DIS3L2: variants seen among roughly 807,000 people sequenced by gnomAD.
DIS3L2 encodes the protein DIS3-like exonuclease 2.
A neutral mutation model predicts 97.5 loss-of-function variants in DIS3L2; 34 were observed. The observed-to-expected ratio is 0.35, with a 90% CI of 0.27 to 0.46. The LOEUF is 0.46. Among genes scored for constraint, DIS3L2 ranks in the 20% least tolerant of loss-of-function variants. The pLI, the probability that DIS3L2 is intolerant of heterozygous loss-of-function variation, is 1.00. For missense variants in DIS3L2, 1,038 were observed against 1,146.0 expected (o/e 0.91, Z 1.36); for synonymous variants, 435 against 445.2 (o/e 0.98, Z 0.29).
chr2:232,255,802 C>T (rs1484692191), intron 12 of DIS3L2, among the ~76,000 whole-genome samples: 4 of 152,114 alleles, frequency 2.6e-5, no homozygotes, highest in Admixed American at 6.6e-5. Flanking sequence ...CTATGGAAGT[C>T]GCCTATTTCA....
intron 9 of DIS3L2, among the ~76,000 whole-genome samples, chr2:232,180,452 CTT>C (rs2106182679): frequency 2.8e-5 from 1 of 35,790 alleles, no homozygotes; most frequent in South Asian, 1.4e-3. Context: ...GTCTAAGTCT[CTT>C]TGTAGGTCAC....
chr2:232,163,593 C>T lies in DIS3L2; in HGVS notation c.1085C>T (p.Thr362Ile). ...TGTCTTCCTCAAGGCCTGCCATGGA[C>T]AATTCCACCAGAGGAGTTCAGCAAG... ...LECLPQGLPW[T>I]IPPEEFSKRR... Residue 362 changes from threonine to isoleucine, a missense_variant, in exon 9 of 21, where the codon ACA becomes ATA. Thr to Ile is a moderately conservative substitution (Grantham distance 89). Coordinates refer to ENST00000325385, the MANE Select transcript of DIS3L2 (RefSeq NM_152383.5). 1.9e-6 allele frequency: 3 copies of T among 1,614,006 alleles called. No individual in the cohort carries two copies.
intron 6 of DIS3L2, among the ~76,000 whole-genome samples, chr2:232,126,121 TA>T (rs1698058425): frequency 6.6e-6 from 1 of 152,200 alleles, no homozygotes; most frequent in Admixed American, 6.5e-5. Flanking sequence ...CTCAGCTTTC[TA>T]AGATCTCTGC....
At position 232,329,814 on chromosome 2, in the gene DIS3L2, C is replaced by A; in HGVS notation, c.1741C>A (p.Leu581Ile). ...TCCCATCCCACCCACCCTCTGCAGG[C>A]TCGTGGAGGAGTTCATGCTCTTGGC... ...HIYEYRESNK[L>I]VEEFMLLANM... is the part of the protein sequence containing the mutation. The change falls in exon 15 of 21, where the codon CTC (leucine) becomes ATC (isoleucine). Residue 581 changes from leucine (L) to isoleucine (I), a missense_variant and splice_region_variant. This residue lies in a region of DIS3L2 where 813 missense variants were observed against 880.1 expected (regional missense o/e 0.92). Coordinates refer to ENST00000325385, the MANE Select transcript of DIS3L2 (RefSeq NM_152383.5). The A allele has an allele frequency of 7.4e-7, 1 of 1,349,912 alleles. No individual in the cohort carries two copies. Among genetic ancestry groups the A allele is most frequent in the Non-Finnish European group, 9.9e-7 (1 of 1,014,374 alleles). The allele number at this position is 1,349,912 out of a possible 1,614,324, so 83.6% of individuals were successfully genotyped here. A position where few individuals can be genotyped will look rare whatever the true frequency, so the allele number is the denominator to read the frequency against.
At chr2:232,235,660 A>G (rs905068054) in intron 10 of DIS3L2, among the ~76,000 whole-genome samples, 1 of 152,208 alleles carries the variant, frequency 6.6e-6, no homozygotes, top group Non-Finnish European at 1.5e-5. Context: ...ATTATGGTTT[A>G]TATCATGATG....
At chr2:232,069,992 C>T (rs776043871) in intron 5 of DIS3L2, among the ~76,000 whole-genome samples, 22 of 152,170 alleles carry the variant, frequency 1.4e-4, no homozygotes, top group Non-Finnish European at 2.8e-4. Flanking sequence ...AGAGGCAGTA[C>T]TAATACATTG....
rs113678720 is a variant in DIS3L2, at chr2:232,072,690, T to C, written c.367-14797T>C. On this transcript the variant is annotated intron_variant, in intron 5 of 20. Transcript: ENST00000325385. ...AGCAGGGAGACCCCTTACATGGCTA[T>C]TGCTTACTTCCAGGATGGAGATGAT... Among the ~76,000 whole-genome samples the C allele has an allele frequency of 3.0e-4, 46 of 152,192 alleles. 1 individual carries two copies. The highest frequency in any genetic ancestry group is 9.4e-4 in the African/African-American group (39 of 41,506).
At chr2:232,155,621 G>C (rs1690468366) in intron 8 of DIS3L2, among the ~76,000 whole-genome samples, 1 of 151,988 alleles carries the variant, frequency 6.6e-6, no homozygotes, top group African/African-American at 2.4e-5. Context: ...AATGATCTTG[G>C]AAAATGTTTT....
intron 6 of DIS3L2, among the ~76,000 whole-genome samples, chr2:232,123,766 G>T (rs1352286417): frequency 6.6e-6 from 1 of 152,156 alleles, no homozygotes; most frequent in Non-Finnish European, 1.5e-5. Flanking sequence ...GACATTGTAG[G>T]TTTGACCACC....
chr2:232,340,824 T>G (rs1196591827), downstream of DIS3L2: 1 of 471,508 alleles, frequency 2.1e-6, no homozygotes, highest in Non-Finnish European at 4.4e-6. Flanking sequence ...TGCTCAGAGC[T>G]TCCAGTCACA....
intron 6 of DIS3L2, among the ~76,000 whole-genome samples, chr2:232,121,256 A>T (rs1697895779): frequency 6.6e-6 from 1 of 152,124 alleles, no homozygotes; most frequent in East Asian, 1.9e-4. Flanking sequence ...CTATTGAAAT[A>T]CTTTCTTTCT....
intron 20 of DIS3L2, 72 bp downstream of exon 20, chr2:232,335,946 T>C (rs1695930219): frequency 1.9e-6 from 3 of 1,544,906 alleles, no homozygotes; most frequent in Non-Finnish European, 2.6e-6. Context: ...GTGCCCCTCA[T>C]TCCTTCATCT....
intron 6 of DIS3L2, among the ~76,000 whole-genome samples, chr2:232,119,293 G>T (rs1446622170): frequency 6.6e-6 from 1 of 152,116 alleles, no homozygotes; most frequent in Non-Finnish European, 1.5e-5. Context: ...ATTTTTTGCA[G>T]TTTTAATGGA....
At chr2:232,222,719 G>A (rs1328342330) in intron 10 of DIS3L2, among the ~76,000 whole-genome samples, 1 of 152,162 alleles carries the variant, frequency 6.6e-6, no homozygotes, top group African/African-American at 2.4e-5. Context: ...CACCCGCCTT[G>A]GTCTCCCAAA....
intron 6 of DIS3L2, among the ~76,000 whole-genome samples, chr2:232,090,459 T>A (rs995935494): frequency 6.6e-6 from 1 of 152,188 alleles, no homozygotes; most frequent in African/African-American, 2.4e-5. Context: ...CACATGGCTG[T>A]TTCTCATTTC....
intron 1 of DIS3L2, among the ~76,000 whole-genome samples, chr2:231,962,196 G>A (rs988463058): frequency 6.6e-6 from 1 of 152,158 alleles, no homozygotes; most frequent in African/African-American, 2.4e-5. Flanking sequence ...TTGAAGGGCA[G>A]CCGCTTAATT....
At chr2:232,314,501 A>G (rs1695217166) in intron 14 of DIS3L2, among the ~76,000 whole-genome samples, 1 of 152,042 alleles carries the variant, frequency 6.6e-6, no homozygotes, top group Non-Finnish European at 1.5e-5. Context: ...CACTATTCTC[A>G]CACTCCACCT....
intron 11 of DIS3L2, among the ~76,000 whole-genome samples, chr2:232,243,093 G>A (rs1315564099): frequency 6.6e-6 from 1 of 152,172 alleles, no homozygotes; most frequent in Non-Finnish European, 1.5e-5. Context: ...AAGAGAGAGG[G>A]GTTGTATCTG....
intron 1 of DIS3L2, among the ~76,000 whole-genome samples, chr2:232,001,557 CTTTTTTTTTTT>C (rs57766848): frequency 3.2e-5 from 2 of 61,920 alleles, no homozygotes; most frequent in African/African-American, 1.7e-4. Flanking sequence ...TGCCATTTGT[CTTTTTTTTTTT>C]TTTTTTTTTT....
Sources: allele counts gnomAD v4.1 joint callset (sites outside exome capture counted in the v4.1 genomes callset), GRCh38; gene constraint gnomAD v4.1.1; regional missense constraint gnomAD v4.1.1; transcripts MANE v1.5; gene names NCBI Gene and HGNC (gene_info 2026-07-23, HGNC 2026-07-21).